ARHGAP12: variants seen among roughly 807,000 people sequenced by gnomAD.
The protein encoded by ARHGAP12 is Rho GTPase activating protein 12.
In ARHGAP12, 64 loss-of-function variants were observed where a neutral mutation model predicts 108.6. That is an observed-to-expected ratio of 0.59 (90% CI 0.48 to 0.73). ARHGAP12 has a LOEUF of 0.73. ARHGAP12 is among the 30% of genes least tolerant of loss of function. ARHGAP12 has a pLI of 0.00. For synonymous variants in ARHGAP12, 312 were observed against 337.2 expected, an observed-to-expected ratio of 0.93 and a Z score of 0.82; for missense variants, 940 against 1,005.9, an observed-to-expected ratio of 0.93 and a Z score of 0.89.
chr10:31,821,717 AATTT>A (rs1312923706), intron 11 of ARHGAP12, among the ~76,000 whole-genome samples: 3 of 152,188 alleles, frequency 2.0e-5, no homozygotes, highest in African/African-American at 7.2e-5. Context: ...GATTACATAA[AATTT>A]ATTAGTGGAG....
chr10:31,820,734 ATAT>A (rs1835385600), intron 11 of ARHGAP12, among the ~76,000 whole-genome samples: 1 of 149,160 alleles, frequency 6.7e-6, no homozygotes, highest in Non-Finnish European at 1.5e-5. Flanking sequence ...ATATATATAT[ATAT>A]AAAGCCAAAC....
intron 3 of ARHGAP12, among the ~76,000 whole-genome samples, chr10:31,872,000 ATCATAGTACTTACG>A (rs1357265177): frequency 6.6e-6 from 1 of 152,150 alleles, no homozygotes; most frequent in African/African-American, 2.4e-5. Flanking sequence ...TCTACAGCTC[ATCATAGTACTTACG>A]ACACTAAACT....
intron 1 of ARHGAP12, among the ~76,000 whole-genome samples, chr10:31,922,377 T>G (rs1164133856): frequency 6.7e-6 from 1 of 150,230 alleles, no homozygotes; most frequent in Non-Finnish European, 1.5e-5. Context: ...GCCAACAAAC[T>G]CAACAATCCA....
At chr10:31,826,255 A>G in intron 11 of ARHGAP12, 49 bp downstream of exon 11, 3 of 1,454,794 alleles carry the variant, frequency 2.1e-6, no homozygotes, top group African/African-American at 1.4e-5. Flanking sequence ...GTACGATACT[A>G]TTCACATAAT....
intron 15 of ARHGAP12, among the ~76,000 whole-genome samples, chr10:31,811,423 C>A (rs1835012228): frequency 6.6e-6 from 1 of 151,922 alleles, no homozygotes; most frequent in Admixed American, 6.6e-5. Context: ...GGTAAATGTT[C>A]AGGAAAACAA....
At chr10:31,861,758 T>G (rs1232541004) in intron 3 of ARHGAP12, 100 bp from the exon 4 acceptor site, 8 of 1,096,214 alleles carry the variant, frequency 7.3e-6, no homozygotes, top group Non-Finnish European at 1.0e-5. Context: ...TAACTCATTT[T>G]AAAACATATA....
chr10:31,829,013 G>A (rs560696587), intron 10 of ARHGAP12, among the ~76,000 whole-genome samples: 5 of 152,042 alleles, frequency 3.3e-5, no homozygotes, highest in Non-Finnish European at 7.4e-5. Flanking sequence ...TTAGCCACGC[G>A]TAGTGGCACA....
intron 5 of ARHGAP12, among the ~76,000 whole-genome samples, chr10:31,853,769 T>G (rs2132285868): frequency 6.6e-6 from 1 of 152,194 alleles, no homozygotes; most frequent in African/African-American, 2.4e-5. Flanking sequence ...AACTATTCCC[T>G]CAGAAAAATA....
At chr10:31,911,237 T>C (rs940640109) in intron 1 of ARHGAP12, among the ~76,000 whole-genome samples, 1 of 152,174 alleles carries the variant, frequency 6.6e-6, no homozygotes, top group East Asian at 1.9e-4. Flanking sequence ...TTGGCCAGGC[T>C]GGTCTCGAAC....
chr10:31,901,636 A>G (rs1272281822), intron 3 of ARHGAP12, among the ~76,000 whole-genome samples: 1 of 152,148 alleles, frequency 6.6e-6, no homozygotes, highest in Non-Finnish European at 1.5e-5. Context: ...TAGAATCTGT[A>G]AAACTAAAGT....
chr10:31,895,230 G>A (rs532351373), intron 3 of ARHGAP12, among the ~76,000 whole-genome samples: 103 of 152,242 alleles, frequency 6.8e-4, no homozygotes, highest in Admixed American at 2.7e-3. Context: ...AATGGCAACA[G>A]AAGCCAAAAT....
intron 13 of ARHGAP12, among the ~76,000 whole-genome samples, chr10:31,814,892 C>T (rs537986651): frequency 1.9e-4 from 29 of 151,988 alleles, no homozygotes; most frequent in Non-Finnish European, 3.5e-4. Flanking sequence ...CCAAGGCAGG[C>T]GAATCACCTG....
intron 15 of ARHGAP12, among the ~76,000 whole-genome samples, chr10:31,811,163 T>C (rs1835001635): frequency 6.6e-6 from 1 of 152,212 alleles, no homozygotes; most frequent in African/African-American, 2.4e-5. Flanking sequence ...TCACATTATC[T>C]TGTCTACTTC....
At chr10:31,854,481 G>A (rs1033823472) in intron 4 of ARHGAP12, among the ~76,000 whole-genome samples, 4 of 152,078 alleles carry the variant, frequency 2.6e-5, no homozygotes, top group Non-Finnish European at 4.4e-5. Context: ...AGGAGAGCTC[G>A]AATGTTACTT....
intron 3 of ARHGAP12, among the ~76,000 whole-genome samples, chr10:31,897,975 A>C (rs1173128577): frequency 6.6e-6 from 1 of 151,920 alleles, no homozygotes; most frequent in East Asian, 1.9e-4. Flanking sequence ...AAAATACAAA[A>C]ACTAGCCAGG....
chr10:31,904,773 C>T (rs1839060373), intron 3 of ARHGAP12, among the ~76,000 whole-genome samples: 1 of 151,938 alleles, frequency 6.6e-6, no homozygotes, highest in Admixed American at 6.6e-5. Flanking sequence ...ACTACAGGCA[C>T]ATGCCACTAC....
chr10:31,922,076 C>T (rs1839839791), intron 1 of ARHGAP12, among the ~76,000 whole-genome samples: 2 of 149,896 alleles, frequency 1.3e-5, no homozygotes, highest in Admixed American at 6.7e-5. Context: ...CCTGTGGTCC[C>T]AGCTACTCAG....
chr10:31,854,387 A>G (rs940338487), intron 4 of ARHGAP12, among the ~76,000 whole-genome samples, 181 bp from the exon 5 acceptor site: 1 of 152,174 alleles, frequency 6.6e-6, no homozygotes, highest in Non-Finnish European at 1.5e-5. Context: ...AGGTGAGGTA[A>G]AATTAATAGT....
At chr10:31,814,185 T>A (rs534374395) in intron 14 of ARHGAP12, 74 bp downstream of exon 14, 1 of 1,175,534 alleles carries the variant, frequency 8.5e-7, no homozygotes, top group Admixed American at 1.8e-5. Flanking sequence ...AGCTTTTATA[T>A]ATGTATTTAA....
Sources: gnomAD v4.1 joint callset for allele counts (sites outside exome capture counted in the v4.1 genomes callset) on GRCh38, gnomAD v4.1.1 for gene constraint, MANE v1.5 for transcripts, NCBI Gene and HGNC (gene_info 2026-07-23, HGNC 2026-07-21) for gene names.